The following SV2B variants were observed in gnomAD, a reference collection of about 807,000 sequenced individuals.
SV2B encodes the protein solute carrier family 22 member B2.
SV2B carries 41 observed loss-of-function variants against 73.9 expected under a neutral mutation model. The ratio of observed to expected loss-of-function variants is 0.56; its 90% CI spans 0.43 to 0.72. SV2B has a LOEUF of 0.72. Ranked by LOEUF, SV2B falls within the 30% of genes least tolerant of loss-of-function variation. The pLI is 0.00. For missense variants in SV2B, 764 were observed against 857.8 expected (o/e 0.89, Z 1.37); for synonymous variants, 314 against 314.2 (o/e 1.00, Z 0.01).
At chr15:91,170,163 T>A (rs1229724635) in intron 1 of SV2B, among the ~76,000 whole-genome samples, 1 of 152,228 alleles carries the variant, frequency 6.6e-6, no homozygotes, top group Non-Finnish European at 1.5e-5. Context: ...TTTAATTAAG[T>A]AGATTTCTTA....
At chr15:91,256,467 T>A (rs1385646715) in intron 4 of SV2B, among the ~76,000 whole-genome samples, 2 of 152,240 alleles carry the variant, frequency 1.3e-5, no homozygotes, top group African/African-American at 4.8e-5. Flanking sequence ...TCCCTGGTTA[T>A]CCATCTGAGT....
rs1330401653 is a variant in SV2B at position 91,132,968 on chromosome 15, G to A, written c.-392+32605G>A. ...AAGGGCTAAAAGACTAAAGACTATT[G>A]GGCATCTGTTGCGTGCCAGGCCTTG... On this transcript the variant is annotated intron_variant, in intron 1 of 12. Coordinates refer to ENST00000394232, the MANE Select transcript of SV2B (RefSeq NM_001323032.3). This position sits in a 1 kb window ranked among gnomAD's most constrained non-coding sequence, Gnocchi z 4.6. Among the ~76,000 whole-genome samples the A allele has an allele frequency of 2.0e-5, 3 of 152,184 alleles. No individual in the cohort carries two copies. The East Asian group carries it at 5.8e-4, about 29-fold the overall frequency.
At chr15:91,285,104 T>A (rs999510015) in intron 11 of SV2B, among the ~76,000 whole-genome samples, 1 of 152,164 alleles carries the variant, frequency 6.6e-6, no homozygotes, top group Non-Finnish European at 1.5e-5. Context: ...GGAAACACAA[T>A]AAATCATAAA....
At position 91,123,794 on chromosome 15, in the gene SV2B, G is replaced by A. The variant is rs535584382; in HGVS notation, c.-392+23431G>A. Among the ~76,000 whole-genome samples the A allele has an allele frequency of 6.6e-6, 1 of 152,288 alleles. No individual in the cohort carries two copies. Among genetic ancestry groups the A allele is most frequent in the South Asian group, 2.1e-4 (1 of 4,832 alleles). Reference sequence around the variant, plus strand: ...ACTGAAGGTCTCCAGAGAGGAGCAAGGAGAGACTAATTGGGAACAGGCAGG... The same window carrying A: ...ACTGAAGGTCTCCAGAGAGGAGCAAAGAGAGACTAATTGGGAACAGGCAGG... On this transcript the variant is annotated intron_variant, in intron 1 of 12. Transcript: ENST00000394232. The surrounding 1 kb of genome is among the most constrained non-coding windows in gnomAD (Gnocchi z 4.7).
intron 1 of SV2B, among the ~76,000 whole-genome samples, chr15:91,163,524 G>A (rs1270786721): frequency 6.6e-6 from 1 of 152,180 alleles, no homozygotes; most frequent in Admixed American, 6.5e-5. Context: ...GTGATGATGA[G>A]CATTTTTTCA....
chr15:91,194,330 A>G (rs1448285793), intron 1 of SV2B, among the ~76,000 whole-genome samples: 2 of 151,996 alleles, frequency 1.3e-5, no homozygotes. Flanking sequence ...ATGCCTCTGG[A>G]CCTCAGGAGC....
chr15:91,116,499 C>A (rs770107626), intron 1 of SV2B, among the ~76,000 whole-genome samples: 5 of 152,202 alleles, frequency 3.3e-5, no homozygotes, highest in African/African-American at 9.7e-5. Context: ...GCATCCCGTG[C>A]AGAACGTTGT....
In SV2B at chr15:91,245,400, T is replaced by A. The variant is rs1267123101; in HGVS notation, c.452-6419T>A. On this transcript the variant is annotated intron_variant, in intron 2 of 12. Coordinates refer to ENST00000394232, the MANE Select transcript of SV2B (RefSeq NM_001323032.3). The surrounding 1 kb of genome is among the most constrained non-coding windows in gnomAD (Gnocchi z 4.2). ...TCGAGACAGAAAGATTTCTATCGTG[T>A]AAATACAGTATGTAGTTATACACGT... Among the ~76,000 whole-genome samples the A allele has an allele frequency of 6.6e-6, 1 of 152,244 alleles. No individual in the cohort carries two copies. Among genetic ancestry groups the A allele is most frequent in the Non-Finnish European group, 1.5e-5 (1 of 68,040 alleles).
Position 91,302,375 on chromosome 15 carries a change from G to A in SV2B, c.*9823G>A, listed in dbSNP as rs1271245806. Among the ~76,000 whole-genome samples the A allele has an allele frequency of 6.6e-6, 1 of 152,198 alleles. No individual in the cohort carries two copies. The highest frequency in any genetic ancestry group is 1.5e-5 in the Non-Finnish European group (1 of 68,032). On this transcript the variant is annotated 3_prime_UTR_variant, in exon 13 of 13. Transcript: ENST00000394232. ...ACCTGATGATGGAGAGATCTGGGGG[G>A]TGCAGAGGAGGGACCTGGTTCTGGA...
Position 91,251,807 on chromosome 15 carries a change from C to A in SV2B, c.452-12C>A, listed in dbSNP as rs990093560. On this transcript the variant is annotated splice_polypyrimidine_tract_variant and intron_variant, in intron 2 of 12. Transcript: ENST00000394232. ...TTCTCTCTATTCTCTCCTCTCCTCC[C>A]CCTCATTGCAGGGATGATAGTCTAC... The A allele has an allele frequency of 6.2e-7, 1 of 1,613,114 alleles. No individual in the cohort carries two copies.
Position 91,251,863 on chromosome 15 carries a change from G to A in SV2B, c.496G>A (p.Gly166Arg), listed in dbSNP as rs1427473410. 1 of 1,614,084 alleles carries A rather than the reference G, an allele frequency of 6.2e-7. No individual in the cohort carries two copies. Among genetic ancestry groups the A allele is most frequent in the Admixed American group, 1.7e-5 (1 of 60,010 alleles). The change falls in exon 3 of 13, where the codon GGA (glycine) becomes AGA (arginine). Residue 166 changes from glycine (G) to arginine (R), a missense_variant. Coordinates refer to ENST00000394232, the MANE Select transcript of SV2B (RefSeq NM_001323032.3). The stretch of plus-strand genomic sequence containing the variant: ...AATGATGGCGGGCGCCTTCATCCTG[G>A]GAGGCCTGGCTGATAAGCTGGGAAG... ...LGMMAGAFIL[G>R]GLADKLGRKR... is the part of the protein sequence containing the mutation.
chr15:91,209,782 C>T lies in SV2B; in HGVS notation c.-391-16091C>T, dbSNP rs576945166. On this transcript the variant is annotated intron_variant, in intron 1 of 12. Coordinates refer to ENST00000394232, the MANE Select transcript of SV2B (RefSeq NM_001323032.3). ...GGTCTTTGAAAGAATTAAATGAGAT[C>T]GTGAGTGAGAAGCTCCTGACATAAA... Among the ~76,000 whole-genome samples the T allele has an allele frequency of 2.6e-5, 4 of 152,240 alleles. No individual in the cohort carries two copies. The South Asian group carries it at 6.2e-4, about 24-fold the overall frequency.
chr15:91,156,484 A>G (rs938860860), intron 1 of SV2B, among the ~76,000 whole-genome samples: 4 of 152,358 alleles, frequency 2.6e-5, no homozygotes, highest in Middle Eastern at 6.8e-3. Context: ...CTAGCCTTAA[A>G]CAAAATGGCA....
rs1401006925 is a variant in SV2B at position 91,180,458 on chromosome 15, A to G, written c.-391-45415A>G. ...GTTGGCCTGCCTTGCTAGATTGGAG[A>G]AGTTCTCCTGGATAATATCCTGCAG... On this transcript the variant is annotated intron_variant, in intron 1 of 12. Coordinates refer to ENST00000394232, the MANE Select transcript of SV2B (RefSeq NM_001323032.3). 2.6e-5 allele frequency among the ~76,000 whole-genome samples: 4 copies of G among 152,022 alleles called. No individual in the cohort carries two copies. In the East Asian group the frequency reaches 7.8e-4, roughly 29 times the overall value.
In SV2B at chr15:91,257,767, G is replaced by A. The variant is rs547884625; in HGVS notation, c.785-654G>A. On this transcript the variant is annotated intron_variant, in intron 4 of 12. Transcript: ENST00000394232. Reference sequence around the variant, plus strand: ...GGCTGCACCCCTTCCCATAAGGCAAGGCATCTCTGAGGCCTTGACCCCCAT... The same window carrying A: ...GGCTGCACCCCTTCCCATAAGGCAAAGCATCTCTGAGGCCTTGACCCCCAT... Among the ~76,000 whole-genome samples, 24 of 152,252 alleles carry A rather than the reference G, an allele frequency of 1.6e-4. No homozygotes were observed. In the East Asian group the frequency reaches 3.9e-3, roughly 25 times the overall value.
At position 91,227,063 on chromosome 15, in the gene SV2B, CCTT is replaced by C. The variant is rs757271438; in HGVS notation, c.451+354_451+356del. ...GCAAATGTGGGAGTGGCAAATTAAACCTTCTTCCATGTCCAAATGACAAATACA... is the reference window on the plus strand; with the variant it reads ...GCAAATGTGGGAGTGGCAAATTAAACCTTCCATGTCCAAATGACAAATACA... On this transcript the variant is annotated intron_variant, in intron 2 of 12. Coordinates refer to ENST00000394232, the MANE Select transcript of SV2B (RefSeq NM_001323032.3). The surrounding 1 kb of genome is among the most constrained non-coding windows in gnomAD (Gnocchi z 4.5). Among the ~76,000 whole-genome samples, 1 of 152,122 alleles carries C rather than the reference CCTT, an allele frequency of 6.6e-6. No individual in the cohort carries two copies. Among genetic ancestry groups the C allele is most frequent in the Non-Finnish European group, 1.5e-5 (1 of 68,030 alleles).
intron 1 of SV2B, among the ~76,000 whole-genome samples, chr15:91,153,618 G>C (rs1160211862): frequency 6.6e-6 from 1 of 152,168 alleles, no homozygotes; most frequent in Admixed American, 6.5e-5. Context: ...CTGATGCTGA[G>C]ATAAGCTTGT....
At chr15:91,169,196 A>T (rs988898431) in intron 1 of SV2B, among the ~76,000 whole-genome samples, 1 of 152,114 alleles carries the variant, frequency 6.6e-6, no homozygotes, top group Non-Finnish European at 1.5e-5. Context: ...ACTACGCTCC[A>T]GGGACCATGC....
intron 1 of SV2B, among the ~76,000 whole-genome samples, chr15:91,108,553 CTG>C (rs2151723762): frequency 6.6e-6 from 1 of 152,324 alleles, no homozygotes; most frequent in East Asian, 1.9e-4. Flanking sequence ...ATAAATGCTG[CTG>C]TGTTTTCTCT....
Sources: allele counts gnomAD v4.1 joint callset (sites outside exome capture counted in the v4.1 genomes callset), GRCh38; gene constraint gnomAD v4.1.1; non-coding constraint Gnocchi (gnomAD v3.1); transcripts MANE v1.5; gene names NCBI Gene and HGNC (gene_info 2026-07-23, HGNC 2026-07-21).